Variants in DGKK observed in about 807,000 individuals in gnomAD.
DGKK encodes the protein 142 kDa diacylglycerol kinase.
DGKK carries 35 observed loss-of-function variants against 92.2 expected under a neutral mutation model. That is an observed-to-expected ratio of 0.38 (90% CI 0.29 to 0.50). The LOEUF is 0.50. DGKK is among the 20% of genes least tolerant of loss of function. The probability of loss-of-function intolerance (pLI) is 0.92; values close to 1 mark genes in which losing one functional copy is unlikely to be tolerated. For synonymous variants in DGKK, 368 were observed against 360.6 expected (o/e 1.02, Z -0.23); for missense variants, 910 against 992.2 (o/e 0.92, Z 1.11).
intron 1 of DGKK, among the ~76,000 whole-genome samples, chrX:50,431,520 G>A (rs1557230304): frequency 9.0e-6 from 1 of 111,318 alleles, no homozygotes; most frequent in Non-Finnish European, 1.9e-5. Context: ...GTAGGAGGCT[G>A]GATCAAGTTG....
At chrX:50,441,341 A>C (rs782646218) in intron 1 of DGKK, among the ~76,000 whole-genome samples, 1 of 111,525 alleles carries the variant, frequency 9.0e-6, no homozygotes, top group South Asian at 3.8e-4. Context: ...ATGTTCTCCA[A>C]ATAGCATGTT....
In DGKK at chrX:50,390,361, T is replaced by C. The variant is rs1367081977; in HGVS notation, c.1893A>G (p.Lys631=). 1 of 1,209,862 alleles carries C rather than the reference T, an allele frequency of 8.3e-7. No individual in the cohort carries two copies. Among genetic ancestry groups the C allele is most frequent in the Non-Finnish European group, 1.1e-6 (1 of 894,847 alleles). ...RETPRQTPLL[K]GQVEMDVPRF... is the part of the protein sequence containing the mutation. ...GTGGTACATCCATTTCAACCTGTCCTTTTAGCAGCGGGGTTTGTCTGGGAG... is the reference window on the plus strand; with the variant it reads ...GTGGTACATCCATTTCAACCTGTCCCTTTAGCAGCGGGGTTTGTCTGGGAG... The change falls in exon 12 of 28, where the codon AAA becomes AAG. Residue 631 remains lysine (K), a synonymous_variant. Coordinates refer to ENST00000611977, the MANE Select transcript of DGKK (RefSeq NM_001013742.4).
rs1438864783 is a variant in DGKK at position 50,365,489 on chromosome X, G to T, written c.*3451C>A. On this transcript the variant is annotated 3_prime_UTR_variant, in exon 28 of 28. Transcript: ENST00000611977. Reference sequence around the variant, plus strand: ...GGACTGGTGTTCCATTTGGCGGGGGGAGAGGAATAGGCACACTTTGTGGAT... The same window carrying T: ...GGACTGGTGTTCCATTTGGCGGGGGTAGAGGAATAGGCACACTTTGTGGAT... 1 of 111,428 alleles carries T rather than the reference G, an allele frequency of 9.0e-6. No individual in the cohort carries two copies. The allele number at this position is 111,428 out of a possible 1,213,427, so 9.2% of individuals were successfully genotyped here.
intron 1 of DGKK, among the ~76,000 whole-genome samples, chrX:50,433,766 T>G (rs1925950840): frequency 1.8e-5 from 2 of 111,289 alleles, no homozygotes; most frequent in Non-Finnish European, 3.8e-5. Flanking sequence ...AGGAATAGTA[T>G]AAGTGGAAGC....
At chrX:50,393,074 G>T in intron 9 of DGKK, 78 bp downstream of exon 9, 1 of 854,834 alleles carries the variant, frequency 1.2e-6, no homozygotes, top group Non-Finnish European at 1.6e-6. Flanking sequence ...CTGATTCCAA[G>T]AAGCCTGTTT....
At chrX:50,382,749 G>A (rs1391249661) in intron 17 of DGKK, 146 bp from the exon 18 acceptor site, 1 of 408,933 alleles carries the variant, frequency 2.4e-6, no homozygotes, top group South Asian at 4.9e-5. Context: ...TTTTTGAGAG[G>A]CACATGTAGA....
intron 18 of DGKK, among the ~76,000 whole-genome samples, chrX:50,380,736 C>T (rs1464967062): frequency 3.6e-5 from 4 of 110,844 alleles, no homozygotes; most frequent in African/African-American, 6.6e-5. Flanking sequence ...GGGGCACTTA[C>T]GATCACTAGA....
In DGKK at chrX:50,368,602, A is replaced by T; in HGVS notation, c.*338T>A. On this transcript the variant is annotated 3_prime_UTR_variant, in exon 28 of 28. Transcript: ENST00000611977. The stretch of plus-strand genomic sequence containing the variant: ...TCTGCTGGTCAGAGAAAACCATTCC[A>T]AAACTCCCTGAAGAGGTGAACTCCC... The T allele has an allele frequency of 6.7e-6, 1 of 149,232 alleles. No individual in the cohort carries two copies. The highest frequency in any genetic ancestry group is 1.6e-4 in the East Asian group (1 of 6,239). 12.3% of individuals were successfully genotyped at this position (149,232 alleles called of 1,213,427 possible). A position where few individuals can be genotyped will look rare whatever the true frequency, so the allele number is the denominator to read the frequency against.
At chrX:50,428,331 CT>C (rs1557229924) in intron 1 of DGKK, among the ~76,000 whole-genome samples, 1 of 110,778 alleles carries the variant, frequency 9.0e-6, no homozygotes, top group African/African-American at 3.3e-5. Flanking sequence ...GGGAACTGTC[CT>C]TCTTTTGCCT....
chrX:50,374,226 G>T (rs1265303459), intron 25 of DGKK, among the ~76,000 whole-genome samples: 1 of 111,834 alleles, frequency 8.9e-6, no homozygotes, highest in Non-Finnish European at 1.9e-5. Context: ...CAATGTGACT[G>T]GTGTCCTTAT....
intron 1 of DGKK, among the ~76,000 whole-genome samples, chrX:50,434,699 T>C (rs1305115874): frequency 1.8e-5 from 2 of 110,392 alleles, no homozygotes; most frequent in African/African-American, 6.6e-5. Context: ...AAAAAAACAG[T>C]CCTTTAGAGA....
At chrX:50,401,192 T>G in intron 7 of DGKK, 53 bp from the exon 8 acceptor site, 5 of 1,011,877 alleles carry the variant, frequency 4.9e-6, no homozygotes, top group East Asian at 3.3e-5. Context: ...GAGAAAAGGA[T>G]ATCATTGATC....
rs1217248910 is a variant in DGKK at position 50,447,418 on chromosome X, A to AT, written c.645+22615dup. Among the ~76,000 whole-genome samples the AT allele has an allele frequency of 2.1e-3, 34 of 16,289 alleles. 6 individuals carry two copies. In the African/African-American group the frequency reaches 0.025, roughly 12 times the overall value. 14.1% of individuals were successfully genotyped at this position (16,289 alleles called of 115,157 possible). Reference sequence around the variant, plus strand: ...TATTATATATATATATAATATATATATATATATATTATATATATATTTCAC... The same window carrying AT: ...TATTATATATATATATAATATATATATTATATATATTATATATATATTTCAC... On this transcript the variant is annotated intron_variant, in intron 1 of 27. Transcript: ENST00000611977.
At chrX:50,429,725 T>C (rs997866481) in intron 1 of DGKK, among the ~76,000 whole-genome samples, 8 of 112,351 alleles carry the variant, frequency 7.1e-5, no homozygotes, top group African/African-American at 2.6e-4. Context: ...GCTCTGACTA[T>C]TCCATACTAG....
chrX:50,391,314 G>T, intron 11 of DGKK, 123 bp downstream of exon 11: 2 of 960,719 alleles, frequency 2.1e-6, no homozygotes, highest in Non-Finnish European at 2.8e-6. Context: ...AAATGGCTCT[G>T]CACTGAAGCC....
intron 8 of DGKK, among the ~76,000 whole-genome samples, chrX:50,396,185 T>C (rs1924847146): frequency 8.9e-6 from 1 of 111,845 alleles, no homozygotes; most frequent in African/African-American, 3.2e-5. Context: ...CAAAATATAC[T>C]GTGAAGGAGA....
At chrX:50,452,869 G>C (rs1160578674) in intron 1 of DGKK, among the ~76,000 whole-genome samples, 1 of 111,553 alleles carries the variant, frequency 9.0e-6, no homozygotes, top group Non-Finnish European at 1.9e-5. Flanking sequence ...GCTAGGAATA[G>C]AGTCAGCCTG....
rs781841687 is a variant in DGKK at position 50,384,258 on chromosome X, C to T, written c.2459G>A (p.Arg820His). 46 of 1,158,735 alleles carry T rather than the reference C, an allele frequency of 4.0e-5. No individual in the cohort carries two copies. In the Middle Eastern group the frequency reaches 9.5e-4, roughly 24 times the overall value. ...INQTSPRRRS[R>H]RGTLSSISSL... is the part of the protein sequence containing the mutation. Reference sequence around the variant, plus strand: ...AGATATAGAAGACAAAGTGCCACGACGAGAACCTAGACACAAAAGACATCA... The same window carrying T: ...AGATATAGAAGACAAAGTGCCACGATGAGAACCTAGACACAAAAGACATCA... Residue 820 changes from arginine to histidine, a missense_variant, in exon 17 of 28, where the codon CGT (arginine) becomes CAT (histidine). Transcript: ENST00000611977.
intron 1 of DGKK, among the ~76,000 whole-genome samples, chrX:50,454,607 C>T (rs1291537129): frequency 2.7e-5 from 3 of 111,781 alleles, no homozygotes; most frequent in African/African-American, 9.7e-5. Flanking sequence ...TCTTTGATAT[C>T]AGCTGAATAG....
Sources: gnomAD v4.1 joint callset for allele counts (sites outside exome capture counted in the v4.1 genomes callset) on GRCh38, gnomAD v4.1.1 for gene constraint, MANE v1.5 for transcripts, NCBI Gene and HGNC (gene_info 2026-07-23, HGNC 2026-07-21) for gene names.